Variants in EBF1 observed in about 807,000 individuals in gnomAD.
EBF1 encodes transcription factor COE1.
Under a neutral mutation model 68.4 loss-of-function variants are expected in EBF1, and 10 were observed. That is an observed-to-expected ratio of 0.15 (90% CI 0.09 to 0.25). The LOEUF (loss-of-function observed/expected upper bound fraction) is 0.25, where lower values mean the gene tolerates loss of function less well. Among genes scored for constraint, EBF1 ranks in the 10% least tolerant of loss-of-function variants. The probability of loss-of-function intolerance (pLI) is 1.00; values close to 1 mark genes in which losing one functional copy is unlikely to be tolerated. For synonymous variants in EBF1, 298 were observed against 299.8 expected, an observed-to-expected ratio of 0.99 and a Z score of 0.06; for missense variants, 509 against 794.4, an observed-to-expected ratio of 0.64 and a Z score of 4.32.
At chr5:158,938,952 T>C (rs937427138) in intron 6 of EBF1, among the ~76,000 whole-genome samples, 12 of 152,200 alleles carry the variant, frequency 7.9e-5, no homozygotes, top group African/African-American at 2.9e-4. Flanking sequence ...ATCTATGACA[T>C]CCTGGATTTA....
At chr5:159,012,671 T>C (rs1010613060) in intron 6 of EBF1, among the ~76,000 whole-genome samples, 1 of 151,886 alleles carries the variant, frequency 6.6e-6, no homozygotes, top group African/African-American at 2.4e-5. Context: ...TTTTTTTTTG[T>C]AGAGTTTTGT....
intron 6 of EBF1, among the ~76,000 whole-genome samples, chr5:158,952,727 G>A (rs887069628): frequency 2.0e-5 from 3 of 152,200 alleles, no homozygotes; most frequent in African/African-American, 7.2e-5. Flanking sequence ...TGCAACAAAA[G>A]CTGTTTTCAT....
rs549429309 is a variant in EBF1 at position 158,835,260 on chromosome 5, G to A, written c.636+4769C>T. Among the ~76,000 whole-genome samples the A allele has an allele frequency of 2.6e-5, 4 of 152,272 alleles. No individual in the cohort carries two copies. The East Asian group carries it at 5.8e-4, about 22-fold the overall frequency. On this transcript the variant is annotated intron_variant, in intron 7 of 15. Coordinates refer to ENST00000313708, the MANE Select transcript of EBF1 (RefSeq NM_024007.5). ...ATTTCTTAGCAGACTACTCTGAGATGTCTTCGGGGTGATTTACTCATGCCC... is the reference window on the plus strand; with the variant it reads ...ATTTCTTAGCAGACTACTCTGAGATATCTTCGGGGTGATTTACTCATGCCC...
chr5:158,930,220 A>G (rs1810549554), intron 6 of EBF1, among the ~76,000 whole-genome samples: 1 of 151,434 alleles, frequency 6.6e-6, no homozygotes, highest in South Asian at 2.1e-4. Flanking sequence ...CTAAAACAAA[A>G]CTTGAGCAAA....
At chr5:159,026,442 C>T (rs946437935) in intron 6 of EBF1, among the ~76,000 whole-genome samples, 38 of 152,206 alleles carry the variant, frequency 2.5e-4, no homozygotes, top group African/African-American at 8.7e-4. Flanking sequence ...CCAGTCAGTG[C>T]TAACAAACCA....
chr5:158,970,683 A>C (rs1298117344), intron 6 of EBF1, among the ~76,000 whole-genome samples: 1 of 152,186 alleles, frequency 6.6e-6, no homozygotes, highest in Admixed American at 6.5e-5. Flanking sequence ...AGCAGTTAAG[A>C]CTAATTTCAT....
intron 6 of EBF1, among the ~76,000 whole-genome samples, chr5:159,020,493 T>C (rs1473107873): frequency 6.6e-6 from 1 of 152,200 alleles, no homozygotes; most frequent in Non-Finnish European, 1.5e-5. Flanking sequence ...AATCGAGCGA[T>C]GCGGACTCCT....
chr5:158,935,798 A>G (rs562134362), intron 6 of EBF1, among the ~76,000 whole-genome samples: 1 of 152,326 alleles, frequency 6.6e-6, no homozygotes, highest in South Asian at 2.1e-4. Flanking sequence ...TTCATGACAA[A>G]CACCCACTCT....
chr5:159,021,199 T>C (rs960003804), intron 6 of EBF1, among the ~76,000 whole-genome samples: 1 of 152,222 alleles, frequency 6.6e-6, no homozygotes, highest in Non-Finnish European at 1.5e-5. Flanking sequence ...CCTAAAGCAG[T>C]ATCCTGTTGT....
chr5:158,732,022 G>A (rs1296817115), intron 10 of EBF1, among the ~76,000 whole-genome samples: 1 of 152,170 alleles, frequency 6.6e-6, no homozygotes, highest in African/African-American at 2.4e-5. Flanking sequence ...TCTTCAGGCT[G>A]TCTCACGTGA....
intron 10 of EBF1, among the ~76,000 whole-genome samples, chr5:158,754,112 A>G (rs1007030921): frequency 6.6e-6 from 1 of 152,108 alleles, no homozygotes; most frequent in African/African-American, 2.4e-5. Flanking sequence ...ATTGACTAAT[A>G]CTTCTATTAG....
chr5:158,851,181 C>T (rs937683211), intron 6 of EBF1, among the ~76,000 whole-genome samples: 2 of 151,556 alleles, frequency 1.3e-5, no homozygotes, highest in Non-Finnish European at 2.9e-5. Flanking sequence ...TTGAGACCAG[C>T]CTGGCCAACA....
intron 13 of EBF1, 109 bp downstream of exon 13, chr5:158,712,861 T>C: frequency 1.8e-6 from 2 of 1,108,706 alleles, no homozygotes; most frequent in Non-Finnish European, 1.2e-6. Flanking sequence ...ACTAAGAATC[T>C]CCCTTTTGGG....
At chr5:158,777,303 G>A (rs892862697) in intron 10 of EBF1, 110 bp downstream of exon 10, 15 of 1,237,646 alleles carry the variant, frequency 1.2e-5, no homozygotes, top group Non-Finnish European at 1.5e-5. Context: ...AAGAAAGCAG[G>A]CTTTAACTAG....
intron 10 of EBF1, among the ~76,000 whole-genome samples, chr5:158,750,577 A>C (rs1048311183): frequency 6.6e-6 from 1 of 152,134 alleles, no homozygotes; most frequent in African/African-American, 2.4e-5. Context: ...ATTAATATAG[A>C]TACAAGAGCT....
intron 6 of EBF1, among the ~76,000 whole-genome samples, chr5:158,999,913 T>A (rs1762194829): frequency 6.6e-6 from 1 of 152,250 alleles, no homozygotes; most frequent in Admixed American, 6.5e-5. Context: ...GATACATCCA[T>A]CACTGGCATT....
At chr5:158,700,594 GACCCCCACGTTCCTCCGGCTTCCCC>G (rs1291943859) in intron 15 of EBF1, among the ~76,000 whole-genome samples, 1 of 149,188 alleles carries the variant, frequency 6.7e-6, no homozygotes, top group African/African-American at 2.5e-5. Context: ...TTAGCCCCAA[GACCCCCACGTTCCTCCGGCTTCCCC>G]ACCCCCACCC....
intron 6 of EBF1, among the ~76,000 whole-genome samples, chr5:158,920,075 C>A (rs960796688): frequency 6.6e-6 from 1 of 151,572 alleles, no homozygotes; most frequent in Admixed American, 6.6e-5. Flanking sequence ...ACATAACTTG[C>A]AACATATATA....
At chr5:158,764,326 A>T (rs765831041) in intron 10 of EBF1, among the ~76,000 whole-genome samples, 1 of 152,226 alleles carries the variant, frequency 6.6e-6, no homozygotes, top group African/African-American at 2.4e-5. Context: ...TAACTGACAG[A>T]CTTTAGCCAA....
Sources: gnomAD v4.1 joint callset for allele counts (sites outside exome capture counted in the v4.1 genomes callset) on GRCh38, gnomAD v4.1.1 for gene constraint, MANE v1.5 for transcripts, NCBI Gene and HGNC (gene_info 2026-07-23, HGNC 2026-07-21) for gene names.